The following AP1S3 variants were observed in gnomAD, a reference collection of about 807,000 sequenced individuals.
AP1S3 encodes adaptor related protein complex 1 subunit sigma 3.
A neutral mutation model predicts 20.9 loss-of-function variants in AP1S3; 10 were observed. The observed-to-expected ratio is 0.48, with a 90% confidence interval of 0.29 to 0.81. The LOEUF is 0.81. Ranked by LOEUF, AP1S3 falls within the 30% of genes least tolerant of loss-of-function variation. The pLI is 0.08. For synonymous variants in AP1S3, 41 were observed against 61.5 expected, an observed-to-expected ratio of 0.67 and a Z score of 1.56; for missense variants, 154 against 183.8, an observed-to-expected ratio of 0.84 and a Z score of 0.94.
chr2:223,835,654 C>T (rs978379866), intron 1 of AP1S3, among the ~76,000 whole-genome samples: 1 of 151,328 alleles, frequency 6.6e-6, no homozygotes, highest in African/African-American at 2.4e-5. Flanking sequence ...GATTCCGTCT[C>T]GAAGAAAAAA....
intron 1 of AP1S3, among the ~76,000 whole-genome samples, chr2:223,817,607 C>CAAA (rs748661983): frequency 1.2e-5 from 1 of 81,222 alleles, no homozygotes; most frequent in Admixed American, 1.3e-4. Context: ...GACTCCGTCT[C>CAAA]AAAAAAAAAA....
At chr2:223,797,542 A>G (rs973400642) in intron 1 of AP1S3, among the ~76,000 whole-genome samples, 1 of 152,138 alleles carries the variant, frequency 6.6e-6, no homozygotes, top group African/African-American at 2.4e-5. Context: ...CAGGTGGGTC[A>G]CCTGAGATCA....
intron 1 of AP1S3, among the ~76,000 whole-genome samples, chr2:223,807,833 T>C (rs1691620276): frequency 1.3e-5 from 2 of 151,392 alleles, no homozygotes; most frequent in South Asian, 4.2e-4. Context: ...CTCTTTTTTT[T>C]TTTATGAATT....
intron 1 of AP1S3, among the ~76,000 whole-genome samples, chr2:223,786,413 G>A (rs1691075744): frequency 6.6e-6 from 1 of 152,086 alleles, no homozygotes; most frequent in Non-Finnish European, 1.5e-5. Context: ...TTTTACAGCA[G>A]GTGCGATCCA....
At chr2:223,786,256 C>T (rs891172118) in intron 1 of AP1S3, among the ~76,000 whole-genome samples, 5 of 152,152 alleles carry the variant, frequency 3.3e-5, no homozygotes, top group South Asian at 2.1e-4. Context: ...TCATCGTTGC[C>T]TTGTTAAGAT....
chr2:223,777,157 A>C (rs1385507812), intron 2 of AP1S3, among the ~76,000 whole-genome samples: 3 of 152,180 alleles, frequency 2.0e-5, no homozygotes, highest in Admixed American at 2.0e-4. Flanking sequence ...GCACTTTGGG[A>C]GGCCAAGGCA....
chr2:223,793,105 C>T (rs138164682), intron 1 of AP1S3, among the ~76,000 whole-genome samples: 9 of 152,250 alleles, frequency 5.9e-5, no homozygotes, highest in Middle Eastern at 3.4e-3. Flanking sequence ...GAAAAAGGAA[C>T]GCTTTTACAC....
intron 1 of AP1S3, among the ~76,000 whole-genome samples, chr2:223,836,392 T>C (rs978972690): frequency 6.6e-6 from 1 of 152,182 alleles, no homozygotes; most frequent in African/African-American, 2.4e-5. Context: ...GCTTCCAACC[T>C]GACCCCCTAT....
intron 1 of AP1S3, among the ~76,000 whole-genome samples, chr2:223,797,215 G>A (rs911947200): frequency 6.6e-6 from 1 of 152,102 alleles, no homozygotes; most frequent in Non-Finnish European, 1.5e-5. Context: ...CCTTTCACAG[G>A]CTTGGCAGAG....
chr2:223,793,576 G>A (rs1691258705), intron 1 of AP1S3, among the ~76,000 whole-genome samples: 1 of 152,060 alleles, frequency 6.6e-6, no homozygotes, highest in Non-Finnish European at 1.5e-5. Flanking sequence ...GTAGGAGGAG[G>A]GAGAGCATCA....
intron 1 of AP1S3, among the ~76,000 whole-genome samples, chr2:223,809,722 A>G (rs1574718654): frequency 6.8e-6 from 1 of 147,914 alleles, no homozygotes; most frequent in Admixed American, 6.7e-5. Flanking sequence ...GCACCGTTTC[A>G]CCTTTATTTA....
At chr2:223,781,196 T>C (rs1690937427) in intron 1 of AP1S3, among the ~76,000 whole-genome samples, 2 of 152,108 alleles carry the variant, frequency 1.3e-5, no homozygotes, top group Non-Finnish European at 2.9e-5. Context: ...CCACCATTGA[T>C]GGGCACGGAG....
In AP1S3 at chr2:223,777,832, A is replaced by C; in HGVS notation, c.41T>G (p.Leu14Ter). ...FILLFSRQGK[L>*]RLQKWYITLP... ...AGTGATGTACCATTTCTGTAGCCGTAATTTCCCTTGTCGACTGAAGAGCAA... is the reference window on the plus strand; with the variant it reads ...AGTGATGTACCATTTCTGTAGCCGTCATTTCCCTTGTCGACTGAAGAGCAA... Residue 14 changes from leucine (L) to a stop codon, truncating the protein, a stop_gained, in exon 2 of 5, where the codon TTA (leucine) becomes TGA (stop). Coordinates refer to ENST00000396654, the MANE Select transcript of AP1S3 (RefSeq NM_001039569.2). LOFTEE classifies it high-confidence loss of function. 2.5e-6 allele frequency: 4 copies of C among 1,614,024 alleles called. No individual in the cohort carries two copies. The highest frequency in any genetic ancestry group is 3.4e-6 in the Non-Finnish European group (4 of 1,179,988).
In AP1S3 at chr2:223,775,843, G is replaced by A; in HGVS notation, c.291+58C>T. On this transcript the variant is annotated intron_variant, in intron 3 of 4. Transcript: ENST00000396654. ...AAGGGATGTGACCAGAGACAGAACT[G>A]AAGTAAGAGCTGAGATGGGGACTGT... 3 of 1,306,400 alleles carry A rather than the reference G, an allele frequency of 2.3e-6. No individual in the cohort carries two copies. The South Asian group carries it at 3.7e-5, about 16-fold the overall frequency. The allele number at this position is 1,306,400 out of a possible 1,614,324, so 80.9% of individuals were successfully genotyped here. A position where few individuals can be genotyped will look rare whatever the true frequency, so the allele number is the denominator to read the frequency against.
At chr2:223,835,431 T>G (rs1692373243) in intron 1 of AP1S3, among the ~76,000 whole-genome samples, 1 of 152,116 alleles carries the variant, frequency 6.6e-6, no homozygotes, top group Non-Finnish European at 1.5e-5. Flanking sequence ...CCGATGCAGG[T>G]GGATCACGAG....
In AP1S3 at chr2:223,772,094, C is replaced by T. The variant is rs1008880657; in HGVS notation, c.291+3807G>A. On this transcript the variant is annotated intron_variant, in intron 3 of 4. Coordinates refer to ENST00000396654, the MANE Select transcript of AP1S3 (RefSeq NM_001039569.2). ...TGCATTCCAGCCTGGGCAACAAGAGCGAGACTCCGTCTCAAAAAAATAAAT... is the reference window on the plus strand; with the variant it reads ...TGCATTCCAGCCTGGGCAACAAGAGTGAGACTCCGTCTCAAAAAAATAAAT... 4.6e-5 allele frequency among the ~76,000 whole-genome samples: 7 copies of T among 152,206 alleles called. No homozygotes were observed. In the East Asian group the frequency reaches 5.8e-4, roughly 13 times the overall value.
intron 1 of AP1S3, among the ~76,000 whole-genome samples, chr2:223,780,129 C>T (rs1250678719): frequency 1.3e-5 from 2 of 151,562 alleles, no homozygotes; most frequent in East Asian, 3.9e-4. Flanking sequence ...GCCTCACCAC[C>T]ACCCCCTGGC....
At position 223,781,025 on chromosome 2, in the gene AP1S3, G is replaced by A. The variant is rs1057217828; in HGVS notation, c.4-3156C>T. Among the ~76,000 whole-genome samples, 9 of 151,724 alleles carry A rather than the reference G, an allele frequency of 5.9e-5. 1 individual carries two copies. In the South Asian group the frequency reaches 1.9e-3, roughly 32 times the overall value. ...TATCCAGTGTTTAGCTCCCGCTTGT[G>A]AGAACATGCAATATTTGGTTTTCTG... On this transcript the variant is annotated intron_variant, in intron 1 of 4. Coordinates refer to ENST00000396654, the MANE Select transcript of AP1S3 (RefSeq NM_001039569.2).
chr2:223,766,442 AT>A (rs1366187649), intron 3 of AP1S3, among the ~76,000 whole-genome samples: 7 of 152,152 alleles, frequency 4.6e-5, no homozygotes, highest in Non-Finnish European at 8.8e-5. Flanking sequence ...ATTGGATCCC[AT>A]TTGTCTATTT....
Sources: allele counts gnomAD v4.1 joint callset (sites outside exome capture counted in the v4.1 genomes callset), GRCh38; gene constraint gnomAD v4.1.1; transcripts MANE v1.5; gene names NCBI Gene and HGNC (gene_info 2026-07-23, HGNC 2026-07-21).